DCTN1: variants seen among roughly 807,000 people sequenced by gnomAD.
DCTN1 encodes the protein dynactin subunit 1, also known as 150 kDa dynein-associated polypeptide.
DCTN1 carries 61 observed loss-of-function variants against 161.2 expected under a neutral mutation model. The ratio of observed to expected loss-of-function variants is 0.38; its 90% CI spans 0.31 to 0.47. The LOEUF is 0.47. Ranked by LOEUF, DCTN1 falls within the 20% of genes least tolerant of loss-of-function variation. The pLI, the probability that DCTN1 is intolerant of heterozygous loss-of-function variation, is 0.99. For missense variants in DCTN1, 1,404 were observed against 1,623.7 expected (o/e 0.86, Z 2.33); for synonymous variants, 653 against 632.4 (o/e 1.03, Z -0.49).
At chr2:74,374,217 G>C (rs567736946) in intron 6 of DCTN1, 106 bp downstream of exon 6, 1 of 1,272,934 alleles carries the variant, frequency 7.9e-7, no homozygotes, top group Non-Finnish European at 1.1e-6. Flanking sequence ...CCGCCTCCCC[G>C]ACCAGGTAGA....
Position 74,369,390 on chromosome 2 carries a change from C to T in DCTN1, c.1494G>A (p.Glu498=), listed in dbSNP as rs1366606026. 2.5e-6 allele frequency: 4 copies of T among 1,614,228 alleles called. No homozygotes were observed. The highest frequency in any genetic ancestry group is 3.4e-6 in the Non-Finnish European group (4 of 1,180,052). ...QLDMAGARVR[E]AQKRVEAAQE... ...GGGCTGCCTCCACACGCTTCTGGGC[C>T]TCACGAACCCGCGCGCCTGCCATGT... The change falls in exon 14 of 32, where the codon GAG becomes GAA. Residue 498 remains glutamate (E), a synonymous_variant. Coordinates refer to ENST00000628224, the MANE Select transcript of DCTN1 (RefSeq NM_004082.5). The surrounding 1 kb of genome is among the most constrained non-coding windows in gnomAD (Gnocchi z 4.9).
In DCTN1 at chr2:74,362,034, C is replaced by A. The variant is rs1573138367; in HGVS notation, c.3699+18G>T. On this transcript the variant is annotated intron_variant, in intron 31 of 31. Coordinates refer to ENST00000628224, the MANE Select transcript of DCTN1 (RefSeq NM_004082.5). ...GCTCTCCACACTGTCCCATCCTCCA[C>A]CCCATGCTCCCCCTCACCCTGAGGA... The A allele has an allele frequency of 3.7e-6, 6 of 1,612,248 alleles. No individual in the cohort carries two copies. The East Asian group carries it at 1.3e-4, about 36-fold the overall frequency.
At chr2:74,381,330 T>C (rs1675500662), upstream of DCTN1, among the ~76,000 whole-genome samples, 1 of 152,158 alleles carries the variant, frequency 6.6e-6, no homozygotes, top group Non-Finnish European at 1.5e-5. Context: ...ACGCCTGTCT[T>C]TTCTGCACTG....
intron 1 of DCTN1, 105 bp downstream of exon 1, chr2:74,379,900 G>A: frequency 8.2e-7 from 1 of 1,217,384 alleles, no homozygotes; most frequent in Non-Finnish European, 1.2e-6. Flanking sequence ...AGTGCCCTCA[G>A]CTGAGCTCCA....
chr2:74,380,656 A>T (rs1675474877), upstream of DCTN1: 1 of 442,818 alleles, frequency 2.3e-6, no homozygotes, highest in African/African-American at 2.0e-5. Context: ...TCCCCTCTCT[A>T]AACTCTGGAC....
chr2:74,370,538 T>C lies in DCTN1; in HGVS notation c.1055A>G (p.Asp352Gly), dbSNP rs1674760098. ...GAGCTGATAACTGGATGCAGCGCCA[T>C]CTGAGCCTGGAGAAGATCATTAACA... ...LKAEIEEKGS[D>G]GAASSYQLKQ... Residue 352 changes from aspartate (D) to glycine (G), a missense_variant, in exon 11 of 32, where the codon GAT (aspartate) becomes GGT (glycine). Coordinates refer to ENST00000628224, the MANE Select transcript of DCTN1 (RefSeq NM_004082.5). The surrounding 1 kb of genome is among the most constrained non-coding windows in gnomAD (Gnocchi z 4.4). 1 of 1,614,150 alleles carries C rather than the reference T, an allele frequency of 6.2e-7. No individual in the cohort carries two copies. Among genetic ancestry groups the C allele is most frequent in the Non-Finnish European group, 8.5e-7 (1 of 1,180,036 alleles).
At chr2:74,376,392 C>T (rs1675225569) in intron 5 of DCTN1, among the ~76,000 whole-genome samples, 1 of 152,222 alleles carries the variant, frequency 6.6e-6, no homozygotes, top group South Asian at 2.1e-4. Context: ...TATCCTTCCA[C>T]AGTCGTCCAA....
intron 6 of DCTN1, among the ~76,000 whole-genome samples, chr2:74,373,792 C>G (rs1190399732): frequency 6.6e-6 from 1 of 152,230 alleles, no homozygotes; most frequent in African/African-American, 2.4e-5. Flanking sequence ...CTATTTCCAG[C>G]ATACACTGAG....
At chr2:74,362,329 A>C (rs1667917489) in intron 30 of DCTN1, among the ~76,000 whole-genome samples, 188 bp from the exon 31 acceptor site, 1 of 152,104 alleles carries the variant, frequency 6.6e-6, no homozygotes, top group Non-Finnish European at 1.5e-5. Flanking sequence ...GCAAGTCCTC[A>C]TCCTGTAAGG....
intron 5 of DCTN1, 184 bp from the exon 6 acceptor site, chr2:74,374,524 C>A: frequency 3.5e-6 from 5 of 1,422,620 alleles, no homozygotes; most frequent in Non-Finnish European, 4.7e-6. Context: ...CTCAGCCTCC[C>A]GGTGCGGCAG....
Position 74,370,878 on chromosome 2 carries a change from C to T in DCTN1, c.844-53G>A. 1 of 1,613,558 alleles carries T rather than the reference C, an allele frequency of 6.2e-7. No individual in the cohort carries two copies. The highest frequency in any genetic ancestry group is 1.7e-5 in the Admixed American group (1 of 60,026). On this transcript the variant is annotated intron_variant, in intron 9 of 31. Transcript: ENST00000628224. The surrounding 1 kb of genome is among the most constrained non-coding windows in gnomAD (Gnocchi z 4.4). ...GTACCAGCACAGAGATGCCCCAGGC[C>T]TTTCTCACAGTATGTTCCAGGCTCC...
At chr2:74,382,594 C>CAA (rs567355218), upstream of DCTN1, among the ~76,000 whole-genome samples, 1,053 of 66,852 alleles carry the variant, frequency 0.016, 17 homozygotes, top group African/African-American at 0.027. Context: ...GACTGAGACT[C>CAA]AAAAAAAAAA....
At chr2:74,378,464 T>A (rs1162639334) in intron 1 of DCTN1, among the ~76,000 whole-genome samples, 1 of 152,262 alleles carries the variant, frequency 6.6e-6, no homozygotes, top group African/African-American at 2.4e-5. Context: ...TCTGCTAGAA[T>A]TTTTAAGTTT....
chr2:74,378,397 A>G (rs1210379158), intron 1 of DCTN1, 152 bp from the exon 2 acceptor site: 1 of 913,054 alleles, frequency 1.1e-6, no homozygotes, highest in Non-Finnish European at 1.6e-6. Context: ...GGACCCCCAA[A>G]TTCCCCTTTG....
At chr2:74,391,801 G>A (rs892557028) in exon 1 of DCTN1, 29 of 453,906 alleles carry the variant, frequency 6.4e-5, no homozygotes, top group African/African-American at 4.2e-4. Flanking sequence ...TACCTGCACT[G>A]TGAGGGGCTC....
chr2:74,368,993 T>C, intron 15 of DCTN1, 105 bp downstream of exon 15: 1 of 1,567,382 alleles, frequency 6.4e-7, no homozygotes, highest in Non-Finnish European at 8.8e-7. Flanking sequence ...GCCAGAGTCT[T>C]CCAAACCACC....
At chr2:74,377,951 C>G in intron 2 of DCTN1, 49 bp downstream of exon 2, 3 of 1,610,160 alleles carry the variant, frequency 1.9e-6, no homozygotes, top group South Asian at 2.2e-5. Context: ...GCTGCACATG[C>G]GACAGACATG....
chr2:74,373,008 A>C (rs1303061913), intron 6 of DCTN1, 60 bp from the exon 7 acceptor site: 1 of 1,529,228 alleles, frequency 6.5e-7, no homozygotes, highest in African/African-American at 1.4e-5. Context: ...AATGGCAGAA[A>C]GACAGAGAGC....
At position 74,365,216 on chromosome 2, in the gene DCTN1, G is replaced by A; in HGVS notation, c.3055C>T (p.Leu1019Phe). The A allele has an allele frequency of 6.2e-7, 1 of 1,614,236 alleles. No individual in the cohort carries two copies. The part of the protein sequence containing the change: ...EKEFEETMDA[L>F]QADIDQLEAE... ...TCCAGCTGGTCGATGTCAGCCTGGA[G>A]TGCATCCATTGTCTCCTCAAACTCT... is the stretch of plus-strand genomic sequence containing the variant. Residue 1019 changes from leucine to phenylalanine, a missense_variant, in exon 26 of 32, where the codon CTC becomes TTC. This residue lies in a region of DCTN1 where 23 missense variants were observed against 48.5 expected (regional missense o/e 0.47). Coordinates refer to ENST00000628224, the MANE Select transcript of DCTN1 (RefSeq NM_004082.5).
Sources: gnomAD v4.1 joint callset for allele counts (sites outside exome capture counted in the v4.1 genomes callset) on GRCh38, gnomAD v4.1.1 for gene constraint, gnomAD v4.1.1 regional missense constraint, Gnocchi (gnomAD v3.1) non-coding constraint, MANE v1.5 for transcripts, NCBI Gene and HGNC (gene_info 2026-07-23, HGNC 2026-07-21) for gene names.